FAM53B: variants seen among roughly 807,000 people sequenced by gnomAD.
FAM53B encodes protein FAM53B.
In FAM53B, 12 loss-of-function variants were observed where a neutral mutation model predicts 32.7. That is an observed-to-expected ratio of 0.37 (90% CI 0.24 to 0.59). The LOEUF (loss-of-function observed/expected upper bound fraction) is 0.59. Ranked by LOEUF, FAM53B falls within the 20% of genes least tolerant of loss-of-function variation. FAM53B has a pLI of 0.72. For synonymous variants in FAM53B, 234 were observed against 228.7 expected (o/e 1.02, Z -0.21); for missense variants, 477 against 577.7 (o/e 0.83, Z 1.79).
chr10:124,729,243 C>T (rs1025807282), intron 1 of FAM53B, among the ~76,000 whole-genome samples: 1 of 152,232 alleles, frequency 6.6e-6, no homozygotes. Flanking sequence ...TGATCTCACC[C>T]CTCCACTGGC....
At chr10:124,719,997 T>C (rs569798089) in intron 1 of FAM53B, among the ~76,000 whole-genome samples, 35 of 152,048 alleles carry the variant, frequency 2.3e-4, no homozygotes, top group Non-Finnish European at 3.5e-4. Context: ...ACCCTGTCTC[T>C]ACTAAAAATA....
chr10:124,742,698 A>C (rs1295485393), intron 1 of FAM53B: 5 of 152,282 alleles, frequency 3.3e-5, no homozygotes, highest in Non-Finnish European at 7.3e-5. Context: ...ACAATTGAAC[A>C]AACATTTGTT....
In FAM53B at chr10:124,621,973, G is replaced by A. The variant is rs1011010421; in HGVS notation, c.*1269C>T. 19 of 152,484 alleles carry A rather than the reference G, an allele frequency of 1.2e-4. No homozygotes were observed. Among genetic ancestry groups the A allele is most frequent in the African/African-American group, 2.4e-4 (10 of 41,448 alleles). 9.4% of individuals were successfully genotyped at this position (152,484 alleles called of 1,614,324 possible). A position where few individuals can be genotyped will look rare whatever the true frequency, so the allele number is the denominator to read the frequency against. ...TGGTGTCTGCAAGGCAGCCGGAGAG[G>A]AGCTACAAACCTTGAGAGGAGAGCA... On this transcript the variant is annotated 3_prime_UTR_variant, in exon 5 of 5. Transcript: ENST00000337318.
intron 4 of FAM53B, chr10:124,623,820 T>C (rs1338026126): frequency 3.8e-6 from 2 of 527,170 alleles, no homozygotes; most frequent in African/African-American, 3.9e-5. Flanking sequence ...ACACGCGCAA[T>C]TCCACTATTC....
At chr10:124,712,383 T>G (rs1468657612) in intron 1 of FAM53B, among the ~76,000 whole-genome samples, 1 of 152,052 alleles carries the variant, frequency 6.6e-6, no homozygotes, top group African/African-American at 2.4e-5. Context: ...ATTAAGTAAT[T>G]AAACACAATG....
chr10:124,634,179 C>T (rs1404759746), intron 4 of FAM53B, among the ~76,000 whole-genome samples: 1 of 152,188 alleles, frequency 6.6e-6, no homozygotes, highest in Non-Finnish European at 1.5e-5. Flanking sequence ...TGAATGGACA[C>T]ATAAAATGTG....
At chr10:124,659,242 C>T (rs1210345784) in intron 4 of FAM53B, among the ~76,000 whole-genome samples, 1 of 152,216 alleles carries the variant, frequency 6.6e-6, no homozygotes, top group Non-Finnish European at 1.5e-5. Context: ...TGCTTTCAGC[C>T]ATGATAGGCC....
chr10:124,713,763 TCA>T (rs1950020742), intron 1 of FAM53B: 1 of 152,248 alleles, frequency 6.6e-6, no homozygotes, highest in Non-Finnish European at 1.5e-5. Flanking sequence ...CACATTAGTT[TCA>T]CAGTTAATTT....
intron 4 of FAM53B, among the ~76,000 whole-genome samples, chr10:124,661,742 G>C (rs577180077): frequency 6.6e-6 from 1 of 152,206 alleles, no homozygotes; most frequent in Admixed American, 6.5e-5. Context: ...TACTGCCCCC[G>C]TTTGGACACT....
chr10:124,662,535 G>T (rs1160150153), intron 4 of FAM53B, among the ~76,000 whole-genome samples: 1 of 144,202 alleles, frequency 6.9e-6, no homozygotes, highest in South Asian at 2.3e-4. Flanking sequence ...ATTTTTAGAG[G>T]GTGGGCACAG....
At chr10:124,732,700 A>C (rs952129589) in intron 1 of FAM53B, among the ~76,000 whole-genome samples, 1 of 152,136 alleles carries the variant, frequency 6.6e-6, no homozygotes, top group Admixed American at 6.5e-5. Flanking sequence ...CTCTACTAAA[A>C]ATACAAAAAT....
intron 4 of FAM53B, among the ~76,000 whole-genome samples, chr10:124,631,821 T>C (rs1408577640): frequency 6.6e-6 from 1 of 151,748 alleles, no homozygotes; most frequent in Non-Finnish European, 1.5e-5. Flanking sequence ...GCAGATTCCT[T>C]CTCTCCCACC....
intron 4 of FAM53B, among the ~76,000 whole-genome samples, chr10:124,628,746 T>G (rs1433699528): frequency 6.6e-6 from 1 of 152,178 alleles, no homozygotes; most frequent in African/African-American, 2.4e-5. Flanking sequence ...GAGGTTACCC[T>G]TTCCCTTTGG....
intron 3 of FAM53B, among the ~76,000 whole-genome samples, chr10:124,692,962 C>A (rs921394205): frequency 6.6e-6 from 1 of 152,108 alleles, no homozygotes; most frequent in South Asian, 2.1e-4. Flanking sequence ...AGGAAAAAAT[C>A]CTGAGTCACA....
chr10:124,671,256 C>A, intron 4 of FAM53B: 2 of 444,992 alleles, frequency 4.5e-6, no homozygotes, highest in South Asian at 3.1e-5. Flanking sequence ...TCTGCGGGAC[C>A]AGCTAGCCGG....
chr10:124,727,130 C>A (rs1299629627), intron 1 of FAM53B, among the ~76,000 whole-genome samples: 1 of 152,124 alleles, frequency 6.6e-6, no homozygotes, highest in South Asian at 2.1e-4. Flanking sequence ...GCGATCCTCC[C>A]GTCTCAGCCT....
At chr10:124,670,013 C>T (rs1260000615) in intron 4 of FAM53B, among the ~76,000 whole-genome samples, 2 of 152,040 alleles carry the variant, frequency 1.3e-5, no homozygotes, top group African/African-American at 4.8e-5. Flanking sequence ...CTGCAAACAC[C>T]GGCCCGTGGA....
chr10:124,706,306 C>T (rs1254676092), intron 2 of FAM53B, among the ~76,000 whole-genome samples: 1 of 152,194 alleles, frequency 6.6e-6, no homozygotes, highest in Non-Finnish European at 1.5e-5. Context: ...CCTCTGGAAA[C>T]CACCCCCCCT....
At chr10:124,705,334 G>A (rs1168968678) in intron 2 of FAM53B, among the ~76,000 whole-genome samples, 3 of 152,256 alleles carry the variant, frequency 2.0e-5, no homozygotes, top group African/African-American at 7.2e-5. Flanking sequence ...CAGTGAGGCA[G>A]TTACTGCCTG....
Sources: gnomAD v4.1 joint callset for allele counts (sites outside exome capture counted in the v4.1 genomes callset) on GRCh38, gnomAD v4.1.1 for gene constraint, MANE v1.5 for transcripts, NCBI Gene and HGNC (gene_info 2026-07-23, HGNC 2026-07-21) for gene names.